Variants in RGS8 observed in about 807,000 individuals in gnomAD.
The protein encoded by RGS8 is regulator of G-protein signaling 8.
In RGS8, 8 loss-of-function variants were observed where a neutral mutation model predicts 21.7. The observed-to-expected ratio is 0.37, with a 90% CI of 0.22 to 0.66. The LOEUF is 0.66. RGS8 is among the 30% of genes least tolerant of loss of function. The pLI is 0.59. For missense variants in RGS8, 157 were observed against 217.9 expected (o/e 0.72, Z 1.76); for synonymous variants, 80 against 83.6 (o/e 0.96, Z 0.24).
chr1:182,658,997 G>T (rs910309590), intron 5 of RGS8, among the ~76,000 whole-genome samples: 16 of 152,196 alleles, frequency 1.1e-4, no homozygotes, highest in African/African-American at 3.9e-4. Flanking sequence ...TTTCTTCAAT[G>T]ATCTCTACTT....
Position 182,656,389 on chromosome 1 carries a change from C to T in RGS8, c.194-8086G>A, listed in dbSNP as rs545604706. ...TCTCCACCAAAAGGACACCTGCTGTCGCCTTCTCTGTGGTAAGAACTGAGG... is the reference window on the plus strand; with the variant it reads ...TCTCCACCAAAAGGACACCTGCTGTTGCCTTCTCTGTGGTAAGAACTGAGG... On this transcript the variant is annotated intron_variant, in intron 5 of 6. Transcript: ENST00000483095. 3.9e-5 allele frequency among the ~76,000 whole-genome samples: 6 copies of T among 152,304 alleles called. No individual in the cohort carries two copies. In the South Asian group the frequency reaches 6.2e-4, roughly 16 times the overall value.
rs575918840 is a variant in RGS8, at chr1:182,657,107, C to A, written c.194-8804G>T. ...TTCCCCCACCCACCCCCCTGGCCCA[C>A]CTTTCCTGCTTATGTGACCAAGCAA... On this transcript the variant is annotated intron_variant, in intron 5 of 6. Coordinates refer to ENST00000483095, the Ensembl canonical transcript of RGS8. 2.0e-5 allele frequency among the ~76,000 whole-genome samples: 3 copies of A among 151,534 alleles called. No homozygotes were observed. In the South Asian group the frequency reaches 6.3e-4, roughly 32 times the overall value.
chr1:182,691,758 C>T, the RGS8 span, among the ~76,000 whole-genome samples: 1 of 151,522 alleles, frequency 6.6e-6, no homozygotes, highest in African/African-American at 2.4e-5. Flanking sequence ...AAAGCTGGAA[C>T]AAGACAATGA....
chr1:182,667,193 A>G (rs1663914565), intron 3 of RGS8, among the ~76,000 whole-genome samples: 1 of 152,214 alleles, frequency 6.6e-6, no homozygotes, highest in Non-Finnish European at 1.5e-5. Flanking sequence ...AATGCTTTTC[A>G]AAGCTGACAC....
intron 1 of RGS8, among the ~76,000 whole-genome samples, chr1:182,681,292 G>A (rs564756673): frequency 2.0e-5 from 3 of 152,118 alleles, no homozygotes; most frequent in Admixed American, 6.6e-5. Flanking sequence ...CCCTCCTATC[G>A]CTCAGTGCCA....
the RGS8 span, among the ~76,000 whole-genome samples, chr1:182,689,894 A>T: frequency 5.3e-5 from 8 of 152,342 alleles, no homozygotes; most frequent in South Asian, 1.2e-3. Flanking sequence ...TCTCAAGGTC[A>T]CTTCTAGGGA....
At chr1:182,649,126 A>G (rs758738479) in intron 5 of RGS8, among the ~76,000 whole-genome samples, 1 of 152,182 alleles carries the variant, frequency 6.6e-6, no homozygotes, top group Non-Finnish European at 1.5e-5. Flanking sequence ...AGTCATAGTA[A>G]TATTACGAAG....
the RGS8 span, among the ~76,000 whole-genome samples, chr1:182,727,225 C>T: frequency 1.3e-5 from 2 of 152,322 alleles, no homozygotes; most frequent in South Asian, 2.1e-4. Flanking sequence ...GCCATGTGAC[C>T]TTGGACAAAT....
intron 1 of RGS8, among the ~76,000 whole-genome samples, chr1:182,683,698 G>A (rs73065303): frequency 0.045 from 6,820 of 150,610 alleles, 183 homozygotes; most frequent in African/African-American, 0.059. Flanking sequence ...CTGATGCCAC[G>A]GACTCTTCAG....
chr1:182,671,944 G>A (rs982452696), upstream of RGS8: 14 of 1,401,384 alleles, frequency 1.0e-5, no homozygotes, highest in East Asian at 2.1e-4. Flanking sequence ...TACACCCAGC[G>A]GGCGGCGGCT....
At chr1:182,712,612 C>T in the RGS8 span, among the ~76,000 whole-genome samples, 1 of 152,066 alleles carries the variant, frequency 6.6e-6, no homozygotes, top group Non-Finnish European at 1.5e-5. Flanking sequence ...TAAACAATAC[C>T]CTTTAGGATG....
At chr1:182,659,162 T>G (rs1393913431) in intron 5 of RGS8, among the ~76,000 whole-genome samples, 4 of 152,196 alleles carry the variant, frequency 2.6e-5, no homozygotes, top group Non-Finnish European at 5.9e-5. Context: ...GGCTTCTTAT[T>G]CTTAGGATGT....
chr1:182,688,924 G>A (rs12120101), upstream of RGS8, among the ~76,000 whole-genome samples: 17,570 of 152,130 alleles, frequency 0.12, 1,218 homozygotes, highest in South Asian at 0.22. Flanking sequence ...ATGCAGACCC[G>A]GCAACACTGA....
chr1:182,715,164 C>A, the RGS8 span, among the ~76,000 whole-genome samples: 1 of 152,098 alleles, frequency 6.6e-6, no homozygotes, highest in Non-Finnish European at 1.5e-5. Context: ...TTTATTGTAA[C>A]GTATAAGAGG....
the RGS8 span, among the ~76,000 whole-genome samples, chr1:182,697,302 T>C: frequency 3.3e-3 from 504 of 152,382 alleles, 1 homozygote; most frequent in African/African-American, 0.011. Flanking sequence ...CTCTTCTTCT[T>C]GATATCAGAC....
chr1:182,712,738 CA>C, the RGS8 span: 3 of 152,128 alleles, frequency 2.0e-5, no homozygotes, highest in Non-Finnish European at 4.4e-5. Context: ...GGTATCAGAA[CA>C]AACAATATTG....
intron 5 of RGS8, among the ~76,000 whole-genome samples, chr1:182,662,926 C>T (rs1459071672): frequency 6.6e-6 from 1 of 150,944 alleles, no homozygotes; most frequent in Non-Finnish European, 1.5e-5. Context: ...ACAGGGATGG[C>T]AAAGATGTCC....
chr1:182,657,357 C>T (rs903572034), intron 5 of RGS8, among the ~76,000 whole-genome samples: 1 of 152,114 alleles, frequency 6.6e-6, no homozygotes, highest in Non-Finnish European at 1.5e-5. Flanking sequence ...CCACCAGGAC[C>T]CTCCTGCTTG....
At chr1:182,653,065 AAGAC>A (rs1663097531) in intron 5 of RGS8, among the ~76,000 whole-genome samples, 1 of 152,240 alleles carries the variant, frequency 6.6e-6, no homozygotes. Context: ...AAGAGCCAGA[AAGAC>A]AGAAGAATTT....
Sources: allele counts gnomAD v4.1 joint callset (sites outside exome capture counted in the v4.1 genomes callset), GRCh38; gene constraint gnomAD v4.1.1; transcripts MANE v1.5; gene names NCBI Gene and HGNC (gene_info 2026-07-23, HGNC 2026-07-21).